SRD5A2: variants seen among roughly 807,000 people sequenced by gnomAD.
SRD5A2 encodes the protein steroid 5 alpha-reductase 2, also known as 3-oxo-5-alpha-steroid 4-dehydrogenase 2.
Under a neutral mutation model 27.4 loss-of-function variants are expected in SRD5A2, and 30 were observed. That is an observed-to-expected ratio of 1.10 (90% CI 0.82 to 1.49). SRD5A2 has a LOEUF of 1.49. SRD5A2 is among the 40% of genes most tolerant of loss of function. The pLI, the probability that SRD5A2 is intolerant of heterozygous loss-of-function variation, is 0.00. For synonymous variants in SRD5A2, 141 were observed against 133.6 expected (o/e 1.06, Z -0.38); for missense variants, 348 against 323.4 (o/e 1.08, Z -0.58).
chr2:31,535,070 G>A (rs926312378), intron 1 of SRD5A2, among the ~76,000 whole-genome samples: 17 of 149,958 alleles, frequency 1.1e-4, no homozygotes, highest in Admixed American at 2.7e-4. Context: ...TGCCCAGGCT[G>A]GAGTGCAGTG....
the SRD5A2 span, among the ~76,000 whole-genome samples, chr2:31,586,293 A>G: frequency 6.6e-6 from 1 of 152,196 alleles, no homozygotes; most frequent in Non-Finnish European, 1.5e-5. Context: ...TGACTCCTAG[A>G]CAACATCTCT....
intron 2 of SRD5A2, among the ~76,000 whole-genome samples, chr2:31,531,957 G>C (rs1665917776): frequency 6.6e-6 from 1 of 152,108 alleles, no homozygotes; most frequent in Non-Finnish European, 1.5e-5. Flanking sequence ...TCTTGGTTGG[G>C]GGACTTCCTT....
Position 31,531,489 on chromosome 2 carries a change from G to A in SRD5A2, c.446-17C>T. 2 of 1,545,974 alleles carry A rather than the reference G, an allele frequency of 1.3e-6. No individual in the cohort carries two copies. The highest frequency in any genetic ancestry group is 8.8e-7 in the Non-Finnish European group (1 of 1,136,710). On this transcript the variant is annotated splice_polypyrimidine_tract_variant and intron_variant, in intron 2 of 4. Coordinates refer to ENST00000622030, the MANE Select transcript of SRD5A2 (RefSeq NM_000348.4). ...AGAAGACACCTTGACAAAGAAGAGA[G>A]AAAGGAGAAATTTTTTTTAAATGTG...
chr2:31,590,959 G>A, the SRD5A2 span, among the ~76,000 whole-genome samples: 1 of 152,288 alleles, frequency 6.6e-6, no homozygotes, highest in East Asian at 1.9e-4. Flanking sequence ...AGACTTAAAT[G>A]TTAGACCTAA....
At chr2:31,566,757 T>C (rs1178114291) in intron 1 of SRD5A2, among the ~76,000 whole-genome samples, 1 of 152,224 alleles carries the variant, frequency 6.6e-6, no homozygotes, top group African/African-American at 2.4e-5. Context: ...GTGTCATATC[T>C]CTGCTGAGAT....
At chr2:31,579,438 A>T (rs999601940) in intron 1 of SRD5A2, among the ~76,000 whole-genome samples, 2 of 152,192 alleles carry the variant, frequency 1.3e-5, no homozygotes, top group Non-Finnish European at 2.9e-5. Flanking sequence ...TACTCAAAAT[A>T]AGGCAAAACC....
chr2:31,536,455 T>G (rs752897632), intron 1 of SRD5A2, among the ~76,000 whole-genome samples: 5 of 152,174 alleles, frequency 3.3e-5, no homozygotes, highest in Non-Finnish European at 4.4e-5. Context: ...TAGAAGATTT[T>G]CTTAATGACC....
At chr2:31,557,500 C>T (rs1558367809) in intron 1 of SRD5A2, among the ~76,000 whole-genome samples, 3 of 152,212 alleles carry the variant, frequency 2.0e-5, no homozygotes, top group African/African-American at 7.2e-5. Flanking sequence ...TCTGGTTGAT[C>T]AATTTTTTTC....
At chr2:31,584,482 A>G (rs999362070), upstream of SRD5A2, among the ~76,000 whole-genome samples, 1 of 152,238 alleles carries the variant, frequency 6.6e-6, no homozygotes, top group African/African-American at 2.4e-5. Flanking sequence ...AAACTTCAAA[A>G]GTTAAGGACA....
chr2:31,593,148 A>T, the SRD5A2 span, among the ~76,000 whole-genome samples: 2 of 152,182 alleles, frequency 1.3e-5, no homozygotes, highest in African/African-American at 4.8e-5. Context: ...ATTCGGAGAT[A>T]TACCTAATGC....
chr2:31,528,271 T>C (rs1215216925), intron 4 of SRD5A2, among the ~76,000 whole-genome samples: 1 of 152,174 alleles, frequency 6.6e-6, no homozygotes, highest in African/African-American at 2.4e-5. Flanking sequence ...TTATGATTTA[T>C]AGAGGGTGGG....
At chr2:31,633,175 G>T in the SRD5A2 span, among the ~76,000 whole-genome samples, 1 of 152,176 alleles carries the variant, frequency 6.6e-6, no homozygotes, top group Non-Finnish European at 1.5e-5. Context: ...CCAAGCCCCA[G>T]TACTCAACAG....
intron 1 of SRD5A2, among the ~76,000 whole-genome samples, chr2:31,571,451 T>A (rs1048773735): frequency 4.6e-5 from 7 of 152,126 alleles, no homozygotes; most frequent in Admixed American, 3.3e-4. Context: ...ATTCTGGACA[T>A]AGGATCTGGC....
In SRD5A2 at chr2:31,522,692, C is replaced by A. The variant is rs1376892883; in HGVS notation, c.*3504G>T. On this transcript the variant is annotated 3_prime_UTR_variant, in exon 5 of 5. Coordinates refer to ENST00000622030, the MANE Select transcript of SRD5A2 (RefSeq NM_000348.4). ...ATCACCCAAGAACTCACATTGCCAC[C>A]CGGCTCTATGCCTCTTTCATCATAG... is the stretch of plus-strand genomic sequence containing the variant. 1 of 222,100 alleles carries A rather than the reference C, an allele frequency of 4.5e-6. No individual in the cohort carries two copies. The highest frequency in any genetic ancestry group is 6.6e-5 in the East Asian group (1 of 15,266). The allele number at this position is 222,100 out of a possible 1,614,324, so 13.8% of individuals were successfully genotyped here. A position where few individuals can be genotyped will look rare whatever the true frequency, so the allele number is the denominator to read the frequency against.
intron 1 of SRD5A2, among the ~76,000 whole-genome samples, chr2:31,571,556 A>G (rs1207063241): frequency 1.3e-5 from 2 of 152,234 alleles, no homozygotes; most frequent in Non-Finnish European, 2.9e-5. Flanking sequence ...TGCACAGGAA[A>G]AAAAACTATC....
At chr2:31,560,973 T>G (rs1245057508) in intron 1 of SRD5A2, among the ~76,000 whole-genome samples, 1 of 152,166 alleles carries the variant, frequency 6.6e-6, no homozygotes, top group Non-Finnish European at 1.5e-5. Flanking sequence ...CCCTAAAATA[T>G]TGCTCAAAGT....
At chr2:31,602,012 C>T in the SRD5A2 span, among the ~76,000 whole-genome samples, 1 of 152,050 alleles carries the variant, frequency 6.6e-6, no homozygotes, top group Admixed American at 6.6e-5. Context: ...AAAGGATGTC[C>T]TCTCTCACCA....
intron 1 of SRD5A2, among the ~76,000 whole-genome samples, chr2:31,558,385 T>A (rs1666544861): frequency 6.6e-6 from 1 of 152,228 alleles, no homozygotes. Context: ...TTCTGAAGGC[T>A]GGAAGTATGA....
At chr2:31,632,098 G>A in the SRD5A2 span, among the ~76,000 whole-genome samples, 1 of 151,812 alleles carries the variant, frequency 6.6e-6, no homozygotes, top group East Asian at 1.9e-4. Context: ...CACTCAGTCA[G>A]CTGCAGACAT....
Sources: allele counts gnomAD v4.1 joint callset (sites outside exome capture counted in the v4.1 genomes callset), GRCh38; gene constraint gnomAD v4.1.1; transcripts MANE v1.5; gene names NCBI Gene and HGNC (gene_info 2026-07-23, HGNC 2026-07-21).